Variants in SYT14 observed in about 807,000 individuals in gnomAD.
SYT14 encodes synaptotagmin-14.
SYT14 carries 32 observed loss-of-function variants against 74.2 expected under a neutral mutation model. The ratio of observed to expected loss-of-function variants is 0.43; its 90% confidence interval spans 0.33 to 0.58. SYT14 has a LOEUF of 0.58. Ranked by LOEUF, SYT14 falls within the 20% of genes least tolerant of loss-of-function variation. The pLI is 0.05. For synonymous variants in SYT14, 298 were observed against 337.7 expected (o/e 0.88, Z 1.29); for missense variants, 791 against 981.8 (o/e 0.81, Z 2.60).
chr1:210,162,865 G>A (rs1396272922), exon 10 of SYT14: 1 of 453,462 alleles, frequency 2.2e-6, no homozygotes, highest in South Asian at 1.6e-5. Context: ...TTGAGAATGT[G>A]TGTTACAGGG....
chr1:210,095,517 G>C (rs2081953262), intron 6 of SYT14, among the ~76,000 whole-genome samples: 1 of 152,164 alleles, frequency 6.6e-6, no homozygotes, highest in South Asian at 2.1e-4. Context: ...GCCTCCCAAA[G>C]TGCTGGGTTT....
chr1:210,100,792 A>AT (rs142912736), intron 7 of SYT14, among the ~76,000 whole-genome samples: 37,860 of 151,728 alleles, frequency 0.25, 5,906 homozygotes, highest in South Asian at 0.37. Context: ...AGAATTTATT[A>AT]TTTTTTTTCC....
Position 210,160,819 on chromosome 1 carries a change from T to C in SYT14, c.2372T>C (p.Val791Ala), listed in dbSNP as rs529184131. ...ATCCGCAGAGGGCAGCCAAATCCAG[T>C]ATATAAGGAAACTTTTGTCTTTCAA... Residue 791 changes from valine to alanine, a missense_variant, in exon 10 of 10, where the codon GTA becomes GCA. Coordinates refer to ENST00000637265, the Ensembl canonical transcript of SYT14. 2 of 1,613,932 alleles carry C rather than the reference T, an allele frequency of 1.2e-6. No homozygotes were observed. Among genetic ancestry groups the C allele is most frequent in the East Asian group, 2.2e-5 (1 of 44,866 alleles).
intron 5 of SYT14, among the ~76,000 whole-genome samples, chr1:210,042,180 T>C (rs753872060): frequency 2.6e-5 from 4 of 152,154 alleles, no homozygotes; most frequent in Non-Finnish European, 4.4e-5. Flanking sequence ...GAAACTAGAC[T>C]TCTGTGACAA....
chr1:210,101,562 C>A (rs1381361482), intron 7 of SYT14, among the ~76,000 whole-genome samples: 2 of 151,744 alleles, frequency 1.3e-5, no homozygotes, highest in Non-Finnish European at 2.9e-5. Context: ...TAGGATAAGA[C>A]TTAATCTCTG....
chr1:210,103,825 C>T (rs926169673), intron 7 of SYT14, among the ~76,000 whole-genome samples: 2 of 152,116 alleles, frequency 1.3e-5, no homozygotes. Flanking sequence ...TAGGCAGGAA[C>T]AGAAATTGGT....
intron 5 of SYT14, among the ~76,000 whole-genome samples, chr1:210,090,077 A>C (rs1358617724): frequency 6.6e-6 from 1 of 152,186 alleles, no homozygotes; most frequent in Non-Finnish European, 1.5e-5. Context: ...TTGGCTGGTC[A>C]CCAGTCTGAT....
intron 7 of SYT14, among the ~76,000 whole-genome samples, chr1:210,153,029 C>T (rs1051406675): frequency 1.6e-4 from 24 of 152,076 alleles, no homozygotes; most frequent in African/African-American, 4.8e-4. Flanking sequence ...ACAAACTATC[C>T]ATTCTATTGC....
At chr1:210,046,599 T>C (rs2080890017) in intron 5 of SYT14, among the ~76,000 whole-genome samples, 1 of 152,202 alleles carries the variant, frequency 6.6e-6, no homozygotes, top group South Asian at 2.1e-4. Context: ...GGACATTTTA[T>C]ATAATTGGGA....
chr1:209,969,318 A>C (rs191806004), intron 2 of SYT14, among the ~76,000 whole-genome samples: 281 of 152,202 alleles, frequency 1.8e-3, no homozygotes, highest in African/African-American at 6.3e-3. Context: ...GAGAAATCTC[A>C]GAGTTGCTTT....
chr1:210,075,092 C>T (rs986642882), intron 5 of SYT14, among the ~76,000 whole-genome samples: 1 of 152,164 alleles, frequency 6.6e-6, no homozygotes, highest in Non-Finnish European at 1.5e-5. Context: ...CCCTGGAGTC[C>T]GACCGCTCAG....
In SYT14 at chr1:210,110,524, A is replaced by G. The variant is rs566489937; in HGVS notation, c.2034+10063A>G. Among the ~76,000 whole-genome samples the G allele has an allele frequency of 7.2e-5, 11 of 152,308 alleles. 2 individuals carry two copies. The South Asian group carries it at 2.3e-3, about 32-fold the overall frequency. ...AACCAGAATGAAAAGTCAAGAGGGA[A>G]TGAAGTATCCTCCAGGAAGAATTCT... On this transcript the variant is annotated intron_variant, in intron 7 of 9. Transcript: ENST00000637265.
intron 4 of SYT14, among the ~76,000 whole-genome samples, chr1:210,018,037 A>G (rs928769143): frequency 1.3e-5 from 2 of 152,268 alleles, no homozygotes; most frequent in Non-Finnish European, 2.9e-5. Context: ...GTGGTTTTAC[A>G]GTGATATAGG....
intron 5 of SYT14, among the ~76,000 whole-genome samples, chr1:210,039,163 G>GAGAT (rs1421215580): frequency 1.3e-5 from 2 of 151,738 alleles, no homozygotes; most frequent in Non-Finnish European, 2.9e-5. Flanking sequence ...TTCAAGCTCT[G>GAGAT]AGATTCTTTC....
chr1:210,168,811 G>A (rs2083485425), exon 10 of SYT14: 2 of 152,064 alleles, frequency 1.3e-5, no homozygotes, highest in Admixed American at 1.3e-4. Flanking sequence ...CTCAGGGGTT[G>A]GTCCTCCTAG....
chr1:209,968,276 T>G (rs985445296), intron 2 of SYT14, among the ~76,000 whole-genome samples: 1 of 152,096 alleles, frequency 6.6e-6, no homozygotes, highest in Non-Finnish European at 1.5e-5. Context: ...GTTCATAGTT[T>G]TACATTAGGG....
At chr1:209,973,392 T>C (rs539629516) in intron 2 of SYT14, among the ~76,000 whole-genome samples, 1 of 152,142 alleles carries the variant, frequency 6.6e-6, no homozygotes, top group African/African-American at 2.4e-5. Flanking sequence ...CCCCGGTGTG[T>C]GATGTTCCCC....
At chr1:210,155,638 A>G in intron 7 of SYT14, 83 bp from the exon 7 acceptor site, 2 of 1,451,498 alleles carry the variant, frequency 1.4e-6, no homozygotes, top group South Asian at 2.4e-5. Flanking sequence ...TACCTACCTA[A>G]TCCAAATAAA....
At position 210,022,902 on chromosome 1, in the gene SYT14, G is replaced by C. The variant is rs558229829; in HGVS notation, c.1312+1648G>C. Among the ~76,000 whole-genome samples the C allele has an allele frequency of 3.3e-5, 5 of 152,232 alleles. No individual in the cohort carries two copies. In the South Asian group the frequency reaches 1.0e-3, roughly 32 times the overall value. On this transcript the variant is annotated intron_variant, in intron 5 of 9. Coordinates refer to ENST00000637265, the Ensembl canonical transcript of SYT14. Reference sequence around the variant, plus strand: ...CTGCTGTCTTGAGCACTTCTCGGTAGTTCTGTTAGTCTAGCCTGACTTTAT... The same window carrying C: ...CTGCTGTCTTGAGCACTTCTCGGTACTTCTGTTAGTCTAGCCTGACTTTAT...
Sources: gnomAD v4.1 joint callset for allele counts (sites outside exome capture counted in the v4.1 genomes callset) on GRCh38, gnomAD v4.1.1 for gene constraint, MANE v1.5 for transcripts, NCBI Gene and HGNC (gene_info 2026-07-23, HGNC 2026-07-21) for gene names.